Variants in TMEM117 observed in about 807,000 individuals in gnomAD.
The protein encoded by TMEM117 is transmembrane protein 117.
In TMEM117, 27 loss-of-function variants were observed where a neutral mutation model predicts 52.4. The observed-to-expected ratio is 0.51, with a 90% CI of 0.38 to 0.71. The LOEUF (loss-of-function observed/expected upper bound fraction) is 0.71, where lower values mean the gene tolerates loss of function less well. Ranked by LOEUF, TMEM117 falls within the 30% of genes least tolerant of loss-of-function variation. The pLI is 0.00. For missense variants in TMEM117, 556 were observed against 630.5 expected, an observed-to-expected ratio of 0.88 and a Z score of 1.26; for synonymous variants, 215 against 206.3, an observed-to-expected ratio of 1.04 and a Z score of -0.36.
intron 6 of TMEM117, among the ~76,000 whole-genome samples, chr12:44,315,126 T>G (rs752888723): frequency 1.2e-4 from 18 of 152,180 alleles, no homozygotes; most frequent in African/African-American, 2.9e-4. Context: ...CAAATTGCAC[T>G]TTTTTGGATC....
intron 5 of TMEM117, among the ~76,000 whole-genome samples, chr12:44,222,564 T>C (rs1949802974): frequency 6.6e-6 from 1 of 152,174 alleles, no homozygotes; most frequent in Admixed American, 6.5e-5. Flanking sequence ...TTAAAGTAGA[T>C]GCTGGTGGTA....
chr12:44,058,672 A>G (rs1336774288), intron 3 of TMEM117, among the ~76,000 whole-genome samples: 1 of 152,230 alleles, frequency 6.6e-6, no homozygotes, highest in Non-Finnish European at 1.5e-5. Context: ...ACAACATAAC[A>G]TGTAATTACT....
intron 5 of TMEM117, among the ~76,000 whole-genome samples, chr12:44,238,646 AAACAAC>A (rs748966377): frequency 2.0e-5 from 3 of 151,718 alleles, no homozygotes; most frequent in Non-Finnish European, 4.4e-5. Flanking sequence ...CCCTGTCTCT[AAACAAC>A]AACAACAACA....
intron 2 of TMEM117, 98 bp downstream of exon 2, chr12:43,845,026 A>AT: frequency 7.0e-7 from 1 of 1,420,116 alleles, no homozygotes; most frequent in Non-Finnish European, 9.5e-7. Flanking sequence ...TGTAGGAGGC[A>AT]TTTTAGTTTG....
intron 3 of TMEM117, among the ~76,000 whole-genome samples, chr12:44,076,181 A>T (rs1322644191): frequency 6.6e-6 from 1 of 152,214 alleles, no homozygotes; most frequent in Non-Finnish European, 1.5e-5. Context: ...ATTGGAATGG[A>T]TTTTGTAAAG....
intron 3 of TMEM117, among the ~76,000 whole-genome samples, chr12:44,007,641 A>T (rs564047212): frequency 1.3e-5 from 2 of 152,186 alleles, no homozygotes; most frequent in South Asian, 4.2e-4. Flanking sequence ...CTGTGTCCCC[A>T]CCCAAATCTC....
chr12:44,280,401 G>A lies in TMEM117; in HGVS notation c.609-19179G>A, dbSNP rs561454139. ...TTCTCCCATGTTTTACTACCCACCC[G>A]CTACAATTTCAGCATTTCCTTTCAA... On this transcript the variant is annotated intron_variant, in intron 5 of 7. Transcript: ENST00000266534. Among the ~76,000 whole-genome samples the A allele has an allele frequency of 2.0e-4, 30 of 152,140 alleles. 1 individual carries two copies. Among genetic ancestry groups the A allele is most frequent in the South Asian group, 1.7e-3 (8 of 4,812 alleles).
At chr12:44,044,187 A>G (rs1946845892) in intron 3 of TMEM117, among the ~76,000 whole-genome samples, 1 of 152,172 alleles carries the variant, frequency 6.6e-6, no homozygotes, top group Non-Finnish European at 1.5e-5. Flanking sequence ...TGTGTCTTTG[A>G]AGAGCCCTGT....
chr12:44,036,169 G>A (rs1044703367), intron 3 of TMEM117, among the ~76,000 whole-genome samples: 2 of 152,122 alleles, frequency 1.3e-5, no homozygotes, highest in Admixed American at 1.3e-4. Flanking sequence ...TTCCACTGAA[G>A]TTGCTATATA....
chr12:44,325,629 A>T (rs1951184848), intron 6 of TMEM117, among the ~76,000 whole-genome samples: 1 of 152,180 alleles, frequency 6.6e-6, no homozygotes, highest in South Asian at 2.1e-4. Flanking sequence ...CTTGCACATT[A>T]AAGAAATTAC....
chr12:44,377,293 A>C (rs559795752), intron 7 of TMEM117, among the ~76,000 whole-genome samples: 27 of 152,190 alleles, frequency 1.8e-4, no homozygotes, highest in South Asian at 8.3e-4. Context: ...TTTCAATGTT[A>C]TATTCTTTAT....
intron 6 of TMEM117, among the ~76,000 whole-genome samples, chr12:44,367,100 C>T (rs1024076291): frequency 1.1e-4 from 17 of 152,168 alleles, no homozygotes; most frequent in African/African-American, 4.1e-4. Context: ...CAAAATTCAA[C>T]TTATTTTATG....
At chr12:43,810,303 C>T in the TMEM117 span, among the ~76,000 whole-genome samples, 2 of 152,162 alleles carry the variant, frequency 1.3e-5, no homozygotes, top group Non-Finnish European at 2.9e-5. Flanking sequence ...TTGCAAATCA[C>T]TTTGAACATA....
chr12:44,345,549 T>TA (rs1192271027), intron 6 of TMEM117, among the ~76,000 whole-genome samples: 1 of 152,092 alleles, frequency 6.6e-6, no homozygotes, highest in Non-Finnish European at 1.5e-5. Flanking sequence ...ATGTAAAATG[T>TA]GGAGCACAAA....
At chr12:43,971,052 A>G (rs1252589544) in intron 3 of TMEM117, among the ~76,000 whole-genome samples, 1 of 152,096 alleles carries the variant, frequency 6.6e-6, no homozygotes, top group African/African-American at 2.4e-5. Flanking sequence ...TAGCACAGTT[A>G]TGTACCCAGT....
intron 5 of TMEM117, among the ~76,000 whole-genome samples, chr12:44,268,524 T>C (rs1950407331): frequency 6.6e-6 from 1 of 152,120 alleles, no homozygotes; most frequent in African/African-American, 2.4e-5. Context: ...GAGTTTATCA[T>C]ATATAGAAGA....
chr12:44,265,869 A>G (rs1950371795), intron 5 of TMEM117, among the ~76,000 whole-genome samples: 1 of 152,292 alleles, frequency 6.6e-6, no homozygotes, highest in South Asian at 2.1e-4. Flanking sequence ...ATTTTTAGCT[A>G]GTCTTTCACT....
At chr12:43,834,784 T>TA (rs201689058), upstream of TMEM117, among the ~76,000 whole-genome samples, 1,575 of 152,216 alleles carry the variant, frequency 0.01, 29 homozygotes, top group African/African-American at 0.036. Flanking sequence ...AGAGGCATAT[T>TA]TATATATATC....
intron 2 of TMEM117, among the ~76,000 whole-genome samples, chr12:43,871,754 A>G (rs540414503): frequency 1.1e-4 from 16 of 152,354 alleles, no homozygotes; most frequent in Non-Finnish European, 1.5e-5. Context: ...ATAATGTTTC[A>G]TAAAAGAGTA....
Sources: gnomAD v4.1 joint callset for allele counts (sites outside exome capture counted in the v4.1 genomes callset) on GRCh38, gnomAD v4.1.1 for gene constraint, MANE v1.5 for transcripts, NCBI Gene and HGNC (gene_info 2026-07-23, HGNC 2026-07-21) for gene names.